Variants in IPCEF1 observed in about 807,000 individuals in gnomAD.
IPCEF1 encodes interactor protein for cytohesin exchange factors 1.
A neutral mutation model predicts 50.9 loss-of-function variants in IPCEF1; 31 were observed. The ratio of observed to expected loss-of-function variants is 0.61; its 90% confidence interval spans 0.46 to 0.82. IPCEF1 has a LOEUF of 0.82. Ranked by LOEUF, IPCEF1 falls within the 40% of genes least tolerant of loss-of-function variation. The probability of loss-of-function intolerance (pLI) is 0.00; values close to 1 mark genes in which losing one functional copy is unlikely to be tolerated. For missense variants in IPCEF1, 458 were observed against 514.0 expected (o/e 0.89, Z 1.05); for synonymous variants, 181 against 192.0 (o/e 0.94, Z 0.47).
At chr6:154,204,783 T>G (rs986243951) in intron 9 of IPCEF1, among the ~76,000 whole-genome samples, 3 of 152,034 alleles carry the variant, frequency 2.0e-5, no homozygotes, top group African/African-American at 7.3e-5. Flanking sequence ...ACACAAAAAG[T>G]CCACAATATT....
intron 2 of IPCEF1, among the ~76,000 whole-genome samples, chr6:154,276,860 C>T (rs1042652437): frequency 2.0e-5 from 3 of 152,160 alleles, no homozygotes; most frequent in African/African-American, 7.2e-5. Context: ...CTTATATTGG[C>T]CCTGCCTCAA....
chr6:154,343,105 G>C (rs1011818867), intron 1 of IPCEF1, among the ~76,000 whole-genome samples: 2 of 152,174 alleles, frequency 1.3e-5, no homozygotes, highest in African/African-American at 4.8e-5. Flanking sequence ...AAAAGAGCCA[G>C]ACGCTATAAA....
At chr6:154,244,293 T>TGTGG (rs1460025389) in intron 5 of IPCEF1, among the ~76,000 whole-genome samples, 26 of 74,784 alleles carry the variant, frequency 3.5e-4, no homozygotes, top group Admixed American at 8.4e-4. Flanking sequence ...TCGGTGTGTG[T>TGTGG]GTGGGTGGGT....
At position 154,159,808 on chromosome 6, in the gene IPCEF1, G is replaced by A. The variant is rs1270464900; in HGVS notation, c.*20C>T. On this transcript the variant is annotated 3_prime_UTR_variant, in exon 12 of 12. Transcript: ENST00000367220. The stretch of plus-strand genomic sequence containing the variant: ...AGTTGCTTGTGATAAAATATAAGAG[G>A]AGAAAACCCTGACTTTGTCTCAAAT... 3.8e-6 allele frequency: 6 copies of A among 1,577,102 alleles called. No homozygotes were observed. Among genetic ancestry groups the A allele is most frequent in the South Asian group, 2.2e-5 (2 of 89,034 alleles).
chr6:154,233,881 C>T (rs1396526021), intron 5 of IPCEF1, among the ~76,000 whole-genome samples: 1 of 152,170 alleles, frequency 6.6e-6, no homozygotes, highest in Non-Finnish European at 1.5e-5. Context: ...GGGACGAGCT[C>T]TCAACCAGCA....
In IPCEF1 at chr6:154,184,757, TA is replaced by T. The variant is rs1420742341; in HGVS notation, c.910+14910del. Among the ~76,000 whole-genome samples the T allele has an allele frequency of 3.4e-5, 5 of 148,052 alleles. No homozygotes were observed. In the South Asian group the frequency reaches 9.2e-4, roughly 27 times the overall value. On this transcript the variant is annotated intron_variant, in intron 10 of 11. Coordinates refer to ENST00000367220, the MANE Select transcript of IPCEF1 (RefSeq NM_001130700.2). ...GGAAAATGCTGGTAAAGGAAATCTT[TA>T]TTTTTTCTTGGTATCTTTCCAGATT... is the stretch of plus-strand genomic sequence containing the variant.
chr6:154,292,797 T>G (rs1358319721), intron 1 of IPCEF1, among the ~76,000 whole-genome samples: 1 of 152,216 alleles, frequency 6.6e-6, no homozygotes, highest in Non-Finnish European at 1.5e-5. Flanking sequence ...GGTATTAACT[T>G]AAAAGTGGGC....
intron 1 of IPCEF1, among the ~76,000 whole-genome samples, chr6:154,321,710 G>A (rs60370174): frequency 0.069 from 10,308 of 148,828 alleles, 505 homozygotes; most frequent in African/African-American, 0.13. Flanking sequence ...AACCTGGGAG[G>A]CAGACGCTGC....
At chr6:154,316,353 T>C (rs998319336) in intron 1 of IPCEF1, among the ~76,000 whole-genome samples, 2 of 152,216 alleles carry the variant, frequency 1.3e-5, no homozygotes, top group Admixed American at 1.3e-4. Context: ...TTTATTGTGA[T>C]ACTTACTTTA....
At chr6:154,316,554 T>C (rs938693108) in intron 1 of IPCEF1, among the ~76,000 whole-genome samples, 4 of 152,214 alleles carry the variant, frequency 2.6e-5, no homozygotes, top group African/African-American at 9.6e-5. Context: ...CACTTACATG[T>C]GGATTCTAAA....
intron 2 of IPCEF1, among the ~76,000 whole-genome samples, chr6:154,289,145 AAATC>A (rs1782448422): frequency 6.6e-6 from 1 of 152,142 alleles, no homozygotes; most frequent in Non-Finnish European, 1.5e-5. Context: ...TTATAATAGA[AAATC>A]AGAGTAATAA....
chr6:154,187,694 A>C (rs1327763604), intron 10 of IPCEF1, among the ~76,000 whole-genome samples: 1 of 152,202 alleles, frequency 6.6e-6, no homozygotes, highest in African/African-American at 2.4e-5. Flanking sequence ...AATTATTCTT[A>C]GGTATTAAGG....
intron 8 of IPCEF1, chr6:154,213,163 C>T (rs763507214): frequency 9.6e-6 from 3 of 311,170 alleles, no homozygotes; most frequent in Non-Finnish European, 1.8e-5. Context: ...AACACAAAAT[C>T]AGTGGTGATT....
rs61648946 is a variant in IPCEF1 at position 154,321,778 on chromosome 6, T to TAAAA, written c.-61-32026_-61-32023dup. ...CTGGGTGACAGAGAGAGACTCTTTC[T>TAAAA]AAAAAAAAAAAAAAAAAAAAAAAAA... On this transcript the variant is annotated intron_variant, in intron 1 of 11. Transcript: ENST00000367220. Among the ~76,000 whole-genome samples the TAAAA allele has an allele frequency of 1.9e-4, 10 of 51,920 alleles. 1 individual carries two copies. Among genetic ancestry groups the TAAAA allele is most frequent in the Admixed American group, 2.8e-4 (1 of 3,552 alleles). The allele number at this position is 51,920 out of a possible 152,430, so 34.1% of individuals were successfully genotyped here.
At chr6:154,238,427 G>GTA (rs148667051) in intron 5 of IPCEF1, among the ~76,000 whole-genome samples, 2,184 of 150,286 alleles carry the variant, frequency 0.015, 56 homozygotes, top group African/African-American at 0.049. Flanking sequence ...GGCTAATTTT[G>GTA]TATATATATA....
At chr6:154,273,903 G>A (rs533622162) in intron 2 of IPCEF1, among the ~76,000 whole-genome samples, 5 of 150,512 alleles carry the variant, frequency 3.3e-5, no homozygotes, top group Admixed American at 6.6e-5. Flanking sequence ...GCAGGCGCCC[G>A]CCACCACACC....
intron 1 of IPCEF1, among the ~76,000 whole-genome samples, chr6:154,304,746 G>A (rs975251614): frequency 2.0e-5 from 3 of 152,120 alleles, no homozygotes; most frequent in Admixed American, 6.5e-5. Flanking sequence ...GAAATTTCCT[G>A]CCTGTATCTC....
chr6:154,313,593 C>T (rs954275505), intron 1 of IPCEF1, among the ~76,000 whole-genome samples: 1 of 152,138 alleles, frequency 6.6e-6, no homozygotes, highest in African/African-American at 2.4e-5. Flanking sequence ...ATCTCTTCAA[C>T]TCAATCACTG....
intron 10 of IPCEF1, among the ~76,000 whole-genome samples, chr6:154,185,138 C>T (rs1374398933): frequency 6.6e-6 from 1 of 152,044 alleles, no homozygotes; most frequent in Admixed American, 6.6e-5. Flanking sequence ...ATTATTGTCC[C>T]CTGAGCCTCT....
Sources: gnomAD v4.1 joint callset for allele counts (sites outside exome capture counted in the v4.1 genomes callset) on GRCh38, gnomAD v4.1.1 for gene constraint, MANE v1.5 for transcripts, NCBI Gene and HGNC (gene_info 2026-07-23, HGNC 2026-07-21) for gene names.